SARNP: variants seen among roughly 807,000 people sequenced by gnomAD.
SARNP encodes the protein SAP domain-containing ribonucleoprotein.
SARNP carries 5 observed loss-of-function variants against 38.1 expected under a neutral mutation model. The observed-to-expected ratio is 0.13, with a 90% CI of 0.07 to 0.28. SARNP has a LOEUF of 0.28. Among genes scored for constraint, SARNP ranks in the 10% least tolerant of loss-of-function variants. SARNP has a pLI of 1.00. For missense variants in SARNP, 180 were observed against 243.9 expected, an observed-to-expected ratio of 0.74 and a Z score of 1.75; for synonymous variants, 84 against 80.6, an observed-to-expected ratio of 1.04 and a Z score of -0.23.
intron 1 of SARNP, among the ~76,000 whole-genome samples, chr12:55,811,759 C>T (rs965735067): frequency 6.6e-6 from 1 of 152,192 alleles, no homozygotes; most frequent in Non-Finnish European, 1.5e-5. Flanking sequence ...TGTAAATATT[C>T]ACTAAGATTC....
chr12:55,809,915 A>G (rs918687634), intron 1 of SARNP, among the ~76,000 whole-genome samples: 1 of 152,214 alleles, frequency 6.6e-6, no homozygotes, highest in African/African-American at 2.4e-5. Context: ...CTAGTTTGGG[A>G]AAAGTGTAGG....
intron 1 of SARNP, among the ~76,000 whole-genome samples, chr12:55,812,912 C>A (rs550504398): frequency 2.9e-4 from 44 of 152,080 alleles, no homozygotes; most frequent in Non-Finnish European, 5.4e-4. Flanking sequence ...TACAATCTTG[C>A]AGAGAACAAA....
intron 9 of SARNP, among the ~76,000 whole-genome samples, chr12:55,768,118 T>C (rs1878898600): frequency 2.6e-5 from 4 of 151,864 alleles, no homozygotes; most frequent in Admixed American, 2.0e-4. Context: ...CCTCCCTCTC[T>C]CTCTCTCTTA....
intron 7 of SARNP, chr12:55,792,698 A>T (rs976756869): frequency 2.6e-5 from 4 of 151,410 alleles, no homozygotes; most frequent in African/African-American, 9.7e-5. Context: ...CTTTTTTTAA[A>T]TTCTGAGACA....
downstream of SARNP, chr12:55,753,403 C>T (rs753638581): frequency 6.6e-6 from 1 of 152,142 alleles, no homozygotes; most frequent in Non-Finnish European, 1.5e-5. Flanking sequence ...TTCCCATGTA[C>T]CTAGAGCACA....
rs555651403 is a variant in SARNP at position 55,781,176 on chromosome 12, T to A, written c.501+7899A>T. On this transcript the variant is annotated intron_variant, in intron 9 of 10. Coordinates refer to ENST00000336133, the MANE Select transcript of SARNP (RefSeq NM_033082.4). ...ATGCCATCAGTTAGCTACAATGAAA[T>A]CTGTATGCTAGAAGACTGGTGGCTA... Among the ~76,000 whole-genome samples, 234 of 152,250 alleles carry A rather than the reference T, an allele frequency of 1.5e-3. 3 individuals carry two copies. The highest frequency in any genetic ancestry group is 2.8e-4 in the Non-Finnish European group (19 of 68,026).
At position 55,786,009 on chromosome 12, in the gene SARNP, A is replaced by G. The variant is rs574381538; in HGVS notation, c.501+3066T>C. Among the ~76,000 whole-genome samples, 63 of 152,294 alleles carry G rather than the reference A, an allele frequency of 4.1e-4. 1 individual carries two copies. Among genetic ancestry groups the G allele is most frequent in the African/African-American group, 1.4e-3 (58 of 41,576 alleles). ...CTCTAAGTCTTACAGATGAGGATCA[A>G]AGAAGTTCAGTAATTTGCTCAAAGT... is the stretch of plus-strand genomic sequence containing the variant. On this transcript the variant is annotated intron_variant, in intron 9 of 10. Transcript: ENST00000336133.
At chr12:55,808,841 C>T (rs1880237924) in intron 1 of SARNP, among the ~76,000 whole-genome samples, 1 of 152,168 alleles carries the variant, frequency 6.6e-6, no homozygotes, top group Non-Finnish European at 1.5e-5. Flanking sequence ...GCACGTATTT[C>T]AGCACAATTA....
In SARNP at chr12:55,783,798, T is replaced by TA. The variant is rs1055407894; in HGVS notation, c.501+5276dup. 6.6e-4 allele frequency among the ~76,000 whole-genome samples: 100 copies of TA among 150,816 alleles called. No homozygotes were observed. In the East Asian group the frequency reaches 0.013, roughly 20 times the overall value. On this transcript the variant is annotated intron_variant, in intron 9 of 10. Transcript: ENST00000336133. The stretch of plus-strand genomic sequence containing the variant: ...GAGGAGATGAGCAGATTGTGACAAT[T>TA]AAAAAAAAATTAGGCTGCGCACAGT...
At chr12:55,777,962 C>A (rs1879230580) in intron 9 of SARNP, among the ~76,000 whole-genome samples, 1 of 152,150 alleles carries the variant, frequency 6.6e-6, no homozygotes, top group African/African-American at 2.4e-5. Flanking sequence ...ACATAATTGA[C>A]ATCATTGATT....
intron 1 of SARNP, among the ~76,000 whole-genome samples, chr12:55,816,174 A>G (rs535303438): frequency 6.6e-6 from 1 of 152,368 alleles, no homozygotes; most frequent in Non-Finnish European, 1.5e-5. Flanking sequence ...GTCATCGGGC[A>G]GCTGGTGACT....
chr12:55,771,146 C>T (rs1222732912), intron 9 of SARNP, among the ~76,000 whole-genome samples: 2 of 151,952 alleles, frequency 1.3e-5, no homozygotes, highest in East Asian at 1.9e-4. Flanking sequence ...TTAGTAGAAA[C>T]GGGGTTTCAC....
intron 4 of SARNP, among the ~76,000 whole-genome samples, chr12:55,799,623 G>A (rs865821055): frequency 7.7e-6 from 1 of 129,428 alleles, no homozygotes; most frequent in Middle Eastern, 5.7e-3. Context: ...CCACAGTCTC[G>A]GCTCACTGCA....
chr12:55,787,301 TG>T (rs1303647559), intron 9 of SARNP, among the ~76,000 whole-genome samples: 3 of 151,648 alleles, frequency 2.0e-5, no homozygotes, highest in Admixed American at 1.3e-4. Flanking sequence ...TGTGCACAAG[TG>T]TTCCATAGTG....
intron 8 of SARNP, among the ~76,000 whole-genome samples, chr12:55,789,868 C>T (rs1157002143): frequency 2.0e-5 from 3 of 147,462 alleles, no homozygotes; most frequent in Admixed American, 7.0e-5. Flanking sequence ...TCCTTGAACC[C>T]GGGAGGCGGA....
chr12:55,812,918 A>G (rs1405879590), intron 1 of SARNP, among the ~76,000 whole-genome samples: 1 of 152,214 alleles, frequency 6.6e-6, no homozygotes, highest in African/African-American at 2.4e-5. Context: ...CTTGCAGAGA[A>G]CAAACCAATC....
intron 10 of SARNP, among the ~76,000 whole-genome samples, chr12:55,759,584 T>A (rs958159264): frequency 2.6e-5 from 4 of 152,176 alleles, no homozygotes; most frequent in South Asian, 2.1e-4. Context: ...CTAATTTTTT[T>A]AAATAAGTAA....
intron 9 of SARNP, among the ~76,000 whole-genome samples, chr12:55,780,465 G>GAAAGA (rs1879311243): frequency 6.7e-6 from 1 of 149,836 alleles, no homozygotes; most frequent in Non-Finnish European, 1.5e-5. Context: ...AAATGAAAAA[G>GAAAGA]AAAGAAAAGA....
chr12:55,805,163 G>A (rs1427937432), intron 1 of SARNP, among the ~76,000 whole-genome samples: 1 of 152,234 alleles, frequency 6.6e-6, no homozygotes, highest in Non-Finnish European at 1.5e-5. Flanking sequence ...TCGGGAGGCT[G>A]AGGCAGAAGA....
Sources: allele counts gnomAD v4.1 joint callset (sites outside exome capture counted in the v4.1 genomes callset), GRCh38; gene constraint gnomAD v4.1.1; transcripts MANE v1.5; gene names NCBI Gene and HGNC (gene_info 2026-07-23, HGNC 2026-07-21).